SYN3: variants seen among roughly 807,000 people sequenced by gnomAD.
SYN3 encodes synapsin III.
In SYN3, 35 loss-of-function variants were observed where a neutral mutation model predicts 65.8. The ratio of observed to expected loss-of-function variants is 0.53; its 90% confidence interval spans 0.41 to 0.70. The LOEUF (loss-of-function observed/expected upper bound fraction) is 0.70. SYN3 is among the 30% of genes least tolerant of loss of function. The pLI is 0.00. For synonymous variants in SYN3, 270 were observed against 292.9 expected, an observed-to-expected ratio of 0.92 and a Z score of 0.80; for missense variants, 680 against 749.0, an observed-to-expected ratio of 0.91 and a Z score of 1.08.
intron 1 of SYN3, among the ~76,000 whole-genome samples, chr22:33,037,449 A>C (rs1029203315): frequency 1.3e-5 from 2 of 152,232 alleles, no homozygotes; most frequent in Non-Finnish European, 2.9e-5. Flanking sequence ...GACCCAGAAA[A>C]GTATTTTATT....
chr22:32,684,701 T>C (rs988457157), intron 6 of SYN3, among the ~76,000 whole-genome samples: 54 of 152,306 alleles, frequency 3.5e-4, no homozygotes, highest in African/African-American at 9.1e-4. Context: ...TTTTTTACAT[T>C]CATGGCTTTT....
intron 1 of SYN3, among the ~76,000 whole-genome samples, chr22:33,012,198 G>T (rs2053366983): frequency 6.6e-6 from 1 of 151,926 alleles, no homozygotes; most frequent in Non-Finnish European, 1.5e-5. Flanking sequence ...TTCCCTCCCA[G>T]AAATTCTGAC....
chr22:32,855,336 A>T (rs533032698), intron 6 of SYN3, among the ~76,000 whole-genome samples: 1 of 152,186 alleles, frequency 6.6e-6, no homozygotes, highest in Non-Finnish European at 1.5e-5. Flanking sequence ...CTGGGCACAC[A>T]CTGTGCCTCT....
intron 4 of SYN3, among the ~76,000 whole-genome samples, chr22:32,885,706 G>A (rs192693617): frequency 1.1e-4 from 17 of 152,008 alleles, no homozygotes; most frequent in Admixed American, 9.8e-4. Context: ...GACTACAGGC[G>A]CCCACCACCA....
At chr22:33,011,557 A>G (rs2053351993) in intron 1 of SYN3, among the ~76,000 whole-genome samples, 1 of 152,088 alleles carries the variant, frequency 6.6e-6, no homozygotes. Context: ...TGTTTTTGCT[A>G]GGTTTTGGTA....
At chr22:32,807,421 TATTA>T (rs1271344482) in intron 6 of SYN3, among the ~76,000 whole-genome samples, 1 of 119,620 alleles carries the variant, frequency 8.4e-6, no homozygotes, top group Non-Finnish European at 1.7e-5. Context: ...TTTACATATA[TATTA>T]TATATATAAT....
chr22:32,529,178 C>G, intron 10 of SYN3, 170 bp from the exon 11 acceptor site: 1 of 760,788 alleles, frequency 1.3e-6, no homozygotes, highest in Non-Finnish European at 2.1e-6. Context: ...GACATCAGTT[C>G]CCTTCGGTTC....
intron 2 of SYN3, among the ~76,000 whole-genome samples, chr22:32,990,159 T>C (rs950008773): frequency 6.6e-6 from 1 of 152,196 alleles, no homozygotes; most frequent in Non-Finnish European, 1.5e-5. Flanking sequence ...ATCACGGGGA[T>C]ATTGTGTGTC....
chr22:32,573,868 C>G (rs772929562), intron 7 of SYN3, among the ~76,000 whole-genome samples: 5 of 147,676 alleles, frequency 3.4e-5, no homozygotes, highest in Admixed American at 6.8e-5. Context: ...CTCCCAGGTT[C>G]AAGTGATTCT....
At chr22:33,026,012 C>A (rs920880270) in intron 1 of SYN3, among the ~76,000 whole-genome samples, 3 of 152,152 alleles carry the variant, frequency 2.0e-5, no homozygotes, top group Non-Finnish European at 2.9e-5. Flanking sequence ...GGCTGTCCCA[C>A]GAATCCAAGG....
chr22:32,891,274 C>G (rs914798586), intron 4 of SYN3, among the ~76,000 whole-genome samples: 1 of 152,130 alleles, frequency 6.6e-6, no homozygotes, highest in Non-Finnish European at 1.5e-5. Context: ...CTTCTCCAGT[C>G]CTTTTGATGA....
At chr22:32,908,361 C>T (rs2049959643) in intron 4 of SYN3, among the ~76,000 whole-genome samples, 1 of 147,718 alleles carries the variant, frequency 6.8e-6, no homozygotes, top group African/African-American at 2.5e-5. Flanking sequence ...GCTGAGATTA[C>T]AGGGGTGAGC....
intron 6 of SYN3, among the ~76,000 whole-genome samples, chr22:32,717,913 T>G (rs968601992): frequency 1.3e-5 from 2 of 152,194 alleles, no homozygotes; most frequent in Non-Finnish European, 2.9e-5. Flanking sequence ...CCTTTCTGTT[T>G]GTGCACGCAA....
intron 1 of SYN3, among the ~76,000 whole-genome samples, chr22:33,043,828 G>A (rs2054008092): frequency 6.6e-6 from 1 of 152,146 alleles, no homozygotes; most frequent in Non-Finnish European, 1.5e-5. Flanking sequence ...GCCGAGGCAG[G>A]CAGATCATGA....
chr22:32,578,059 A>G (rs1466007410), intron 7 of SYN3, among the ~76,000 whole-genome samples: 1 of 152,248 alleles, frequency 6.6e-6, no homozygotes, highest in Non-Finnish European at 1.5e-5. Flanking sequence ...CAGTGCCTAG[A>G]ATAGTGCCTG....
intron 3 of SYN3, among the ~76,000 whole-genome samples, chr22:32,942,609 G>A (rs575910029): frequency 2.0e-5 from 3 of 152,336 alleles, no homozygotes; most frequent in East Asian, 3.9e-4. Context: ...TGACTTTGAC[G>A]AGTTGAGTGA....
intron 3 of SYN3, among the ~76,000 whole-genome samples, chr22:32,937,637 G>A (rs568615654): frequency 6.6e-6 from 1 of 152,204 alleles, no homozygotes; most frequent in East Asian, 1.9e-4. Context: ...CAAGGCGGAT[G>A]GTGCTAAATC....
chr22:32,814,317 C>CGAA, intron 6 of SYN3, among the ~76,000 whole-genome samples: 1 of 43,708 alleles, frequency 2.3e-5, no homozygotes, highest in Admixed American at 2.8e-4. Flanking sequence ...GAGAGAGAGA[C>CGAA]AGAAAGAAAG....
intron 6 of SYN3, among the ~76,000 whole-genome samples, chr22:32,775,694 T>A (rs1350094349): frequency 2.5e-5 from 2 of 79,494 alleles, no homozygotes; most frequent in Non-Finnish European, 2.5e-5. Context: ...AAGGCTACAT[T>A]CTGCCACTTC....
Sources: gnomAD v4.1 joint callset for allele counts (sites outside exome capture counted in the v4.1 genomes callset) on GRCh38, gnomAD v4.1.1 for gene constraint, MANE v1.5 for transcripts, NCBI Gene and HGNC (gene_info 2026-07-23, HGNC 2026-07-21) for gene names.